The following TRIM9 variants were observed in gnomAD, a reference collection of about 807,000 sequenced individuals.
The protein encoded by TRIM9 is tripartite motif containing 9.
A neutral mutation model predicts 78.3 loss-of-function variants in TRIM9; 26 were observed. That is an observed-to-expected ratio of 0.33 (90% CI 0.24 to 0.46). TRIM9 has a LOEUF of 0.46. Ranked by LOEUF, TRIM9 falls within the 20% of genes least tolerant of loss-of-function variation. TRIM9 has a pLI of 1.00. For synonymous variants in TRIM9, 398 were observed against 416.5 expected (o/e 0.96, Z 0.54); for missense variants, 787 against 1,036.4 (o/e 0.76, Z 3.30).
At chr14:51,047,072 T>C (rs897995272) in intron 1 of TRIM9, among the ~76,000 whole-genome samples, 7 of 152,164 alleles carry the variant, frequency 4.6e-5, no homozygotes, top group African/African-American at 1.7e-4. Flanking sequence ...TTTATCTGCA[T>C]AGTGTGTTGT....
At chr14:51,091,864 G>A (rs2064365957) in intron 1 of TRIM9, among the ~76,000 whole-genome samples, 1 of 152,170 alleles carries the variant, frequency 6.6e-6, no homozygotes, top group East Asian at 1.9e-4. Context: ...CAGCACCAGT[G>A]TCTGTCTACT....
chr14:51,011,130 C>A (rs1423428189), intron 3 of TRIM9, among the ~76,000 whole-genome samples: 1 of 152,140 alleles, frequency 6.6e-6, no homozygotes, highest in Non-Finnish European at 1.5e-5. Flanking sequence ...TTAAGAATAA[C>A]CCACTGAAAC....
intron 3 of TRIM9, among the ~76,000 whole-genome samples, chr14:51,022,157 T>A (rs2057815788): frequency 6.6e-6 from 1 of 152,226 alleles, no homozygotes; most frequent in Admixed American, 6.5e-5. Flanking sequence ...CCAAAACCCA[T>A]GTTGAAATGT....
intron 1 of TRIM9, among the ~76,000 whole-genome samples, chr14:51,082,167 A>C (rs1280755996): frequency 1.3e-5 from 2 of 152,202 alleles, no homozygotes; most frequent in Non-Finnish European, 2.9e-5. Flanking sequence ...TCTGGTCAAG[A>C]CACTTCTAAC....
intron 1 of TRIM9, among the ~76,000 whole-genome samples, chr14:51,027,533 G>A (rs1181128214): frequency 6.6e-6 from 1 of 152,176 alleles, no homozygotes. Flanking sequence ...CTGGAACAGG[G>A]TCTGTTGGAG....
At chr14:50,990,307 G>GCA (rs1049189087) in intron 7 of TRIM9, among the ~76,000 whole-genome samples, 23 of 152,110 alleles carry the variant, frequency 1.5e-4, no homozygotes, top group African/African-American at 5.3e-4. Context: ...ATGAGCCATG[G>GCA]CACCCAGCCC....
intron 1 of TRIM9, among the ~76,000 whole-genome samples, chr14:51,086,067 A>C (rs111427732): frequency 0.016 from 2,415 of 152,316 alleles, 28 homozygotes; most frequent in Non-Finnish European, 0.026. Flanking sequence ...TTAGGAGAAA[A>C]ATGACTCAAT....
chr14:51,049,586 G>T (rs749066810), intron 1 of TRIM9, among the ~76,000 whole-genome samples: 1 of 152,108 alleles, frequency 6.6e-6, no homozygotes, highest in Non-Finnish European at 1.5e-5. Flanking sequence ...CCAGCACTTT[G>T]GGAGGCCGAG....
intron 1 of TRIM9, among the ~76,000 whole-genome samples, chr14:51,060,537 G>C (rs1157448461): frequency 1.3e-5 from 2 of 152,040 alleles, no homozygotes; most frequent in Admixed American, 1.3e-4. Context: ...CACGATCTCG[G>C]CTGACTGCAA....
chr14:51,019,030 T>C (rs1212586966), intron 3 of TRIM9, among the ~76,000 whole-genome samples: 2 of 152,228 alleles, frequency 1.3e-5, no homozygotes, highest in Non-Finnish European at 2.9e-5. Context: ...CAAGAGAAAG[T>C]GGCATATGTA....
rs563900566 is a variant in TRIM9, at chr14:51,045,193, T to C, written c.823-19833A>G. On this transcript the variant is annotated intron_variant, in intron 1 of 12. Coordinates refer to ENST00000684578, the MANE Select transcript of TRIM9 (RefSeq NM_001387360.1). ...TCTGTGATGAGAAATCAGAGACTCC[T>C]TCCCCTGTGAGCATCATGTCTGGTC... Among the ~76,000 whole-genome samples, 63 of 152,334 alleles carry C rather than the reference T, an allele frequency of 4.1e-4. 1 individual carries two copies. Among genetic ancestry groups the C allele is most frequent in the Admixed American group, 4.1e-3 (62 of 15,300 alleles).
chr14:51,022,922 G>A lies in TRIM9; in HGVS notation c.954C>T (p.Ala318=). The change falls in exon 3 of 13, where the codon GCC becomes GCT. Residue 318 remains alanine, a synonymous_variant. Transcript: ENST00000684578. ...GGGCATCGATGAGGGCATCACATTG[G>A]GCCACCAGACAGGCTTCAAACTCCA... ...NSVEFEACLV[A]QCDALIDALN... 2 of 1,614,038 alleles carry A rather than the reference G, an allele frequency of 1.2e-6. No homozygotes were observed. The highest frequency in any genetic ancestry group is 1.7e-6 in the Non-Finnish European group (2 of 1,180,018).
At position 50,986,001 on chromosome 14, in the gene TRIM9, G is replaced by A. The variant is rs1424431354; in HGVS notation, c.1747C>T (p.His583Tyr). The change falls in exon 8 of 13, where the codon CAC (histidine) becomes TAC (tyrosine). Residue 583 changes from histidine to tyrosine, a missense_variant. By Grantham distance (83) the His-to-Tyr change is moderately conservative (BLOSUM62 2). Transcript: ENST00000684578. The part of the protein sequence containing the change: ...RSYFDFRSSP[H>Y]QLSLHSSLQS... The stretch of plus-strand genomic sequence containing the variant: ...AAAGAGGAATGCAAGCTCAGCTGGT[G>A]GGGTGAGGATCGGAAATCAAAGTAG... 3.9e-6 allele frequency: 6 copies of A among 1,548,582 alleles called. No individual in the cohort carries two copies. Among genetic ancestry groups the A allele is most frequent in the Non-Finnish European group, 4.4e-6 (5 of 1,146,030 alleles).
rs1336182127 is a variant in TRIM9, at chr14:50,977,034, G to C, written c.*257C>G. On this transcript the variant is annotated 3_prime_UTR_variant, in exon 13 of 13. Transcript: ENST00000684578. ...AGCAAAATCTGGGAGTGGGAACCAA[G>C]TGACTTGGTGGGCTGTCTAGGTCCT... The C allele has an allele frequency of 2.9e-6, 1 of 344,926 alleles. No homozygotes were observed. The allele number at this position is 344,926 out of a possible 1,614,324, so 21.4% of individuals were successfully genotyped here.
chr14:50,982,880 T>A, intron 10 of TRIM9, 62 bp downstream of exon 10: 1 of 1,457,160 alleles, frequency 6.9e-7, no homozygotes, highest in South Asian at 1.2e-5. Flanking sequence ...ATTAAACCTG[T>A]GAGACACCTC....
chr14:51,038,810 T>G (rs2059365206), intron 1 of TRIM9, among the ~76,000 whole-genome samples: 1 of 152,168 alleles, frequency 6.6e-6, no homozygotes. Flanking sequence ...CAATAACATC[T>G]TAAAAGTTGG....
rs778270667 is a variant in TRIM9, at chr14:51,094,815, G to T, written c.125C>A (p.Pro42Gln). Residue 42 changes from proline (P) to glutamine (Q), a missense_variant, in exon 1 of 13, where the codon CCA becomes CAA. Pro to Gln is a moderately conservative substitution (Grantham distance 76). Around this residue, in one of 3 missense-constraint regions of TRIM9, gnomAD observed 352 missense variants for 472.3 expected, o/e 0.75. Transcript: ENST00000684578. ...ACARNILVQT[P>Q]ESESPQSHRA... ...ATGGCTCTGGGGGGATTCAGACTCT[G>T]GGGTCTGCACCAGGATGTTGCGGGC... 2.3e-5 allele frequency: 35 copies of T among 1,537,342 alleles called. No individual in the cohort carries two copies. The highest frequency in any genetic ancestry group is 2.5e-5 in the Non-Finnish European group (29 of 1,146,938).
At chr14:51,040,469 A>C (rs2059496824) in intron 1 of TRIM9, among the ~76,000 whole-genome samples, 1 of 152,124 alleles carries the variant, frequency 6.6e-6, no homozygotes, top group Non-Finnish European at 1.5e-5. Flanking sequence ...CAATGACATA[A>C]TTTTATTTAT....
intron 1 of TRIM9, among the ~76,000 whole-genome samples, chr14:51,066,339 T>G (rs1352403425): frequency 6.6e-6 from 1 of 152,154 alleles, no homozygotes; most frequent in Non-Finnish European, 1.5e-5. Context: ...ATCTCCATCT[T>G]TGCAAACCCA....
Sources: allele counts gnomAD v4.1 joint callset (sites outside exome capture counted in the v4.1 genomes callset), GRCh38; gene constraint gnomAD v4.1.1; regional missense constraint gnomAD v4.1.1; transcripts MANE v1.5; gene names NCBI Gene and HGNC (gene_info 2026-07-23, HGNC 2026-07-21).